Variants in OPHN1 observed in about 807,000 individuals in gnomAD.
OPHN1 encodes oligophrenin 1, also known as oligophrenin-1.
A neutral mutation model predicts 60.7 loss-of-function variants in OPHN1; 11 were observed. That is an observed-to-expected ratio of 0.18 (90% CI 0.11 to 0.30). OPHN1 has a LOEUF of 0.30. OPHN1 is among the 10% of genes least tolerant of loss of function. The pLI is 1.00. For synonymous variants in OPHN1, 226 were observed against 222.6 expected (o/e 1.02, Z -0.14); for missense variants, 449 against 611.0 (o/e 0.73, Z 2.80).
chrX:68,335,008 C>G (rs1349358939), intron 2 of OPHN1, among the ~76,000 whole-genome samples: 1 of 109,561 alleles, frequency 9.1e-6, no homozygotes, highest in Non-Finnish European at 1.9e-5. Context: ...TTAATAGTTC[C>G]TGTCCCAGAA....
intron 2 of OPHN1, among the ~76,000 whole-genome samples, chrX:68,406,947 T>C (rs1258583092): frequency 8.9e-6 from 1 of 112,618 alleles, no homozygotes; most frequent in Non-Finnish European, 1.9e-5. Context: ...CTCATGCCTG[T>C]AATCCCAGCA....
At chrX:68,394,054 C>T (rs1318014852) in intron 2 of OPHN1, among the ~76,000 whole-genome samples, 387 of 80,548 alleles carry the variant, frequency 4.8e-3, no homozygotes, top group Admixed American at 6.7e-3. Context: ...CGCTACCACG[C>T]CCGGCTAATT....
intron 2 of OPHN1, among the ~76,000 whole-genome samples, chrX:68,339,590 T>C (rs1332862674): frequency 2.7e-5 from 3 of 112,194 alleles, no homozygotes. Flanking sequence ...ATAAAATCAA[T>C]ACAAACACAA....
chrX:68,350,470 T>C (rs191526563), intron 2 of OPHN1, among the ~76,000 whole-genome samples: 6,993 of 65,740 alleles, frequency 0.11, 593 homozygotes, highest in African/African-American at 0.26. Flanking sequence ...CTTCCTTCCT[T>C]CCTCCCTCCC....
intron 21 of OPHN1, among the ~76,000 whole-genome samples, chrX:68,062,859 G>C (rs1017409687): frequency 1.8e-5 from 2 of 111,714 alleles, no homozygotes; most frequent in African/African-American, 3.3e-5. Flanking sequence ...ATTAGCCCCA[G>C]TCTCTCAACA....
intron 2 of OPHN1, among the ~76,000 whole-genome samples, chrX:68,400,846 C>T (rs995741280): frequency 1.8e-5 from 2 of 111,045 alleles, no homozygotes; most frequent in African/African-American, 6.5e-5. Flanking sequence ...AGATGATTCA[C>T]CCGCCTCTGC....
chrX:68,157,573 A>G (rs771973768), intron 15 of OPHN1, among the ~76,000 whole-genome samples: 1 of 111,763 alleles, frequency 8.9e-6, no homozygotes, highest in Non-Finnish European at 1.9e-5. Flanking sequence ...ACTGAAGACT[A>G]TTAGACGGGG....
chrX:68,418,026 T>A (rs2078807436), intron 2 of OPHN1, among the ~76,000 whole-genome samples: 1 of 112,531 alleles, frequency 8.9e-6, no homozygotes, highest in Admixed American at 9.4e-5. Flanking sequence ...TAATGAGCTC[T>A]GCTGAAAACA....
chrX:68,382,569 T>TG (rs2078602699), intron 2 of OPHN1, among the ~76,000 whole-genome samples: 1 of 110,855 alleles, frequency 9.0e-6, no homozygotes, highest in Non-Finnish European at 1.9e-5. Flanking sequence ...CTCAGCCTAA[T>TG]GCACAGAATA....
intron 4 of OPHN1, among the ~76,000 whole-genome samples, chrX:68,277,648 G>A (rs745592887): frequency 8.1e-4 from 90 of 110,811 alleles, no homozygotes; most frequent in African/African-American, 2.0e-3. Context: ...AAAACTAGCC[G>A]GGCGAGGTGG....
intron 23 of OPHN1, among the ~76,000 whole-genome samples, chrX:68,049,617 C>A (rs1222544117): frequency 8.9e-6 from 1 of 111,951 alleles, no homozygotes; most frequent in Non-Finnish European, 1.9e-5. Context: ...CCAAAGTGAT[C>A]TTTTTACAAC....
chrX:68,310,596 T>C (rs1159596036), intron 2 of OPHN1, among the ~76,000 whole-genome samples: 2 of 110,716 alleles, frequency 1.8e-5, no homozygotes, highest in Non-Finnish European at 3.8e-5. Context: ...AAGTGGGTTC[T>C]CTTCTGTAAG....
At chrX:68,359,914 G>A (rs2078463142) in intron 2 of OPHN1, among the ~76,000 whole-genome samples, 1 of 102,808 alleles carries the variant, frequency 9.7e-6, no homozygotes, top group South Asian at 4.5e-4. Flanking sequence ...GAGCCAGAAT[G>A]CCTAAGTTCA....
chrX:68,263,997 T>C (rs1482860146), intron 5 of OPHN1, among the ~76,000 whole-genome samples: 1 of 111,704 alleles, frequency 9.0e-6, no homozygotes, highest in African/African-American at 3.3e-5. Context: ...CGGACAAATA[T>C]TTAGTTAATT....
At chrX:68,320,882 C>A (rs2147660604) in intron 2 of OPHN1, among the ~76,000 whole-genome samples, 1 of 111,495 alleles carries the variant, frequency 9.0e-6, no homozygotes, top group Non-Finnish European at 1.9e-5. Flanking sequence ...ACTCAGGAAA[C>A]CCCTTATGTT....
At chrX:68,365,990 A>G (rs1012288760) in intron 2 of OPHN1, among the ~76,000 whole-genome samples, 1 of 109,866 alleles carries the variant, frequency 9.1e-6, no homozygotes, top group Admixed American at 9.8e-5. Flanking sequence ...AAAAAAAAAA[A>G]ACAAATTCCT....
intron 15 of OPHN1, among the ~76,000 whole-genome samples, chrX:68,162,930 G>C (rs1227655457): frequency 9.1e-6 from 1 of 110,205 alleles, no homozygotes; most frequent in African/African-American, 3.3e-5. Context: ...TAAGTTAAAG[G>C]ATATTTTATG....
At chrX:68,203,480 T>C (rs758757375) in intron 10 of OPHN1, among the ~76,000 whole-genome samples, 38 of 111,137 alleles carry the variant, frequency 3.4e-4, no homozygotes, top group Non-Finnish European at 4.3e-4. Flanking sequence ...TCCTGCACTA[T>C]AACAACTCAA....
chrX:68,156,900 C>A (rs922464425), intron 15 of OPHN1, among the ~76,000 whole-genome samples: 7 of 110,994 alleles, frequency 6.3e-5, no homozygotes, highest in African/African-American at 2.3e-4. Flanking sequence ...GCAAGTATAA[C>A]CAAAGGGAGT....
Sources: allele counts gnomAD v4.1 joint callset (sites outside exome capture counted in the v4.1 genomes callset), GRCh38; gene constraint gnomAD v4.1.1; transcripts MANE v1.5; gene names NCBI Gene and HGNC (gene_info 2026-07-23, HGNC 2026-07-21).